CAMK2D: variants seen among roughly 807,000 people sequenced by gnomAD.
CAMK2D encodes the protein calcium/calmodulin-dependent protein kinase type II subunit delta.
CAMK2D carries 37 observed loss-of-function variants against 84.0 expected under a neutral mutation model. The ratio of observed to expected loss-of-function variants is 0.44; its 90% confidence interval spans 0.34 to 0.58. CAMK2D has a LOEUF of 0.58. Ranked by LOEUF, CAMK2D falls within the 20% of genes least tolerant of loss-of-function variation. The pLI, the probability that CAMK2D is intolerant of heterozygous loss-of-function variation, is 0.02. For synonymous variants in CAMK2D, 202 were observed against 212.5 expected (o/e 0.95, Z 0.43); for missense variants, 448 against 652.5 (o/e 0.69, Z 3.41).
At chr4:113,475,344 A>G (rs1267823436) in intron 16 of CAMK2D, among the ~76,000 whole-genome samples, 4 of 152,204 alleles carry the variant, frequency 2.6e-5, no homozygotes, top group Non-Finnish European at 5.9e-5. Flanking sequence ...ACTAACAAAC[A>G]AACAAACAAA....
chr4:113,531,310 G>C lies in CAMK2D; in HGVS notation c.518-11C>G. 1 of 1,457,860 alleles carries C rather than the reference G, an allele frequency of 6.9e-7. No homozygotes were observed. The highest frequency in any genetic ancestry group is 1.7e-5 in the Admixed American group (1 of 59,772). The allele number at this position is 1,457,860 out of a possible 1,614,324, so 90.3% of individuals were successfully genotyped here. The stretch of plus-strand genomic sequence containing the variant: ...GTGTGCCAGCAAAACCTAGGGAAAA[G>C]AGATGTTAATGAGTCACAGTTGATT... On this transcript the variant is annotated splice_polypyrimidine_tract_variant and intron_variant, in intron 7 of 20. Transcript: ENST00000511664.
intron 6 of CAMK2D, 89 bp downstream of exon 6, chr4:113,547,555 C>T (rs775124531): frequency 5.6e-5 from 39 of 693,632 alleles, no homozygotes; most frequent in Non-Finnish European, 8.7e-5. Context: ...AACTTTATTG[C>T]TCATATTTTT....
intron 3 of CAMK2D, 49 bp downstream of exon 3, chr4:113,661,664 C>T (rs749151290): frequency 1.0e-5 from 8 of 800,762 alleles, no homozygotes; most frequent in South Asian, 2.1e-5. Context: ...TGGTAAATAA[C>T]ATAAAATTTT....
At chr4:113,705,525 G>A (rs2099447628) in intron 2 of CAMK2D, among the ~76,000 whole-genome samples, 1 of 152,100 alleles carries the variant, frequency 6.6e-6, no homozygotes, top group Non-Finnish European at 1.5e-5. Flanking sequence ...CTTCAAGAAG[G>A]AGACAATGTA....
intron 4 of CAMK2D, among the ~76,000 whole-genome samples, chr4:113,598,160 C>T (rs2098935952): frequency 6.6e-6 from 1 of 152,178 alleles, no homozygotes; most frequent in African/African-American, 2.4e-5. Context: ...CAATCAGACA[C>T]TGTGCTATTG....
At chr4:113,715,011 C>T (rs2099509249) in intron 2 of CAMK2D, among the ~76,000 whole-genome samples, 1 of 152,082 alleles carries the variant, frequency 6.6e-6, no homozygotes, top group South Asian at 2.1e-4. Flanking sequence ...CTTACCCATC[C>T]ATACAGATAT....
intron 3 of CAMK2D, among the ~76,000 whole-genome samples, chr4:113,619,712 T>C (rs1246525194): frequency 1.3e-5 from 2 of 152,200 alleles, no homozygotes; most frequent in African/African-American, 4.8e-5. Flanking sequence ...TTTTTGTAAA[T>C]ACAGATTTTT....
At position 113,755,275 on chromosome 4, in the gene CAMK2D, G is replaced by A. The variant is rs142544325; in HGVS notation, c.160+4045C>T. Among the ~76,000 whole-genome samples the A allele has an allele frequency of 3.8e-4, 57 of 151,272 alleles. No individual in the cohort carries two copies. The East Asian group carries it at 0.01, about 28-fold the overall frequency. ...TGGTCAAGTAGTTTTATAAAGTCCT[G>A]ATTCATGTACTACTAATATCACCAA... On this transcript the variant is annotated intron_variant, in intron 2 of 20. Transcript: ENST00000511664.
rs115468885 is a variant in CAMK2D at position 113,555,328 on chromosome 4, A to G, written c.276-3232T>C. 5.5e-3 allele frequency among the ~76,000 whole-genome samples: 841 copies of G among 152,302 alleles called. 2 individuals are homozygous for G. The highest frequency in any genetic ancestry group is 9.4e-3 in the Non-Finnish European group (639 of 68,020). On this transcript the variant is annotated intron_variant, in intron 4 of 20. Coordinates refer to ENST00000511664, the MANE Select transcript of CAMK2D (RefSeq NM_001321571.2). ...GGGAAAGCCAGGAACTTCAGGTTGG[A>G]GCTGATGGGAAACAGGAACCAAGAG...
At chr4:113,503,422 G>A (rs1053304221) in intron 14 of CAMK2D, 2 of 373,028 alleles carry the variant, frequency 5.4e-6, no homozygotes, top group East Asian at 6.2e-5. Flanking sequence ...TTTGAAACTC[G>A]ATTATGGTGT....
chr4:113,713,127 T>C (rs1280226405), intron 2 of CAMK2D, among the ~76,000 whole-genome samples: 1 of 152,002 alleles, frequency 6.6e-6, no homozygotes, highest in Non-Finnish European at 1.5e-5. Context: ...GGCATTACCC[T>C]ACTGAGGAGA....
chr4:113,760,183 A>AT (rs2099637676), intron 1 of CAMK2D, among the ~76,000 whole-genome samples: 1 of 152,294 alleles, frequency 6.6e-6, no homozygotes, highest in African/African-American at 2.4e-5. Flanking sequence ...GTCCCTTTGC[A>AT]TAAGTCCTCA....
At chr4:113,634,515 T>C (rs1025350088) in intron 3 of CAMK2D, among the ~76,000 whole-genome samples, 7 of 152,234 alleles carry the variant, frequency 4.6e-5, no homozygotes, top group Admixed American at 2.6e-4. Context: ...TTATTGAGCA[T>C]AAAAGGACAC....
At chr4:113,523,529 T>C (rs1432030128) in intron 8 of CAMK2D, among the ~76,000 whole-genome samples, 1 of 152,090 alleles carries the variant, frequency 6.6e-6, no homozygotes, top group Non-Finnish European at 1.5e-5. Context: ...TCCCAGCACT[T>C]TGGGAGGCCG....
At chr4:113,707,444 T>C (rs1415080223) in intron 2 of CAMK2D, among the ~76,000 whole-genome samples, 2 of 152,180 alleles carry the variant, frequency 1.3e-5, no homozygotes, top group Non-Finnish European at 2.9e-5. Context: ...GTTCTCCATC[T>C]CTATTTAGGA....
chr4:113,759,992 T>A (rs1055877848), intron 1 of CAMK2D, among the ~76,000 whole-genome samples: 1 of 152,216 alleles, frequency 6.6e-6, no homozygotes, highest in African/African-American at 2.4e-5. Flanking sequence ...CACCAGACAA[T>A]ATATACATAT....
chr4:113,703,621 G>C (rs955310459), intron 2 of CAMK2D, among the ~76,000 whole-genome samples: 32 of 152,042 alleles, frequency 2.1e-4, no homozygotes, highest in African/African-American at 7.7e-4. Flanking sequence ...CCAGGGATTA[G>C]GTTTTAACTG....
intron 16 of CAMK2D, among the ~76,000 whole-genome samples, chr4:113,493,635 C>G (rs761479640): frequency 0.023 from 3,535 of 151,858 alleles, 71 homozygotes; most frequent in Middle Eastern, 0.078. Flanking sequence ...AGTTGCTCTT[C>G]TCGAGGAGTA....
intron 8 of CAMK2D, among the ~76,000 whole-genome samples, chr4:113,526,109 C>T (rs1256398548): frequency 6.6e-6 from 1 of 152,092 alleles, no homozygotes; most frequent in African/African-American, 2.4e-5. Flanking sequence ...CAAAAGAATA[C>T]ATTATAATGT....
Sources: gnomAD v4.1 joint callset for allele counts (sites outside exome capture counted in the v4.1 genomes callset) on GRCh38, gnomAD v4.1.1 for gene constraint, MANE v1.5 for transcripts, NCBI Gene and HGNC (gene_info 2026-07-23, HGNC 2026-07-21) for gene names.